Variants in EHBP1 observed in about 807,000 individuals in gnomAD.
EHBP1 encodes EH domain-binding protein 1.
A neutral mutation model predicts 144.0 loss-of-function variants in EHBP1; 55 were observed. The observed-to-expected ratio is 0.38, with a 90% confidence interval of 0.31 to 0.48. EHBP1 has a LOEUF of 0.48. EHBP1 is among the 20% of genes least tolerant of loss of function. The pLI, the probability that EHBP1 is intolerant of heterozygous loss-of-function variation, is 0.98. For missense variants in EHBP1, 1,200 were observed against 1,364.2 expected, an observed-to-expected ratio of 0.88 and a Z score of 1.90; for synonymous variants, 469 against 472.7, an observed-to-expected ratio of 0.99 and a Z score of 0.10.
chr2:62,821,897 G>A, intron 5 of EHBP1, among the ~76,000 whole-genome samples: 1 of 152,036 alleles, frequency 6.6e-6, no homozygotes, highest in East Asian at 1.9e-4. Context: ...GAGATGTTTT[G>A]ATATAGGAAT....
At chr2:62,782,137 C>A (rs996477168) in intron 5 of EHBP1, among the ~76,000 whole-genome samples, 2 of 152,140 alleles carry the variant, frequency 1.3e-5, no homozygotes, top group African/African-American at 4.8e-5. Context: ...GTCCTAGGCA[C>A]TAGATTTAGA....
chr2:62,759,318 A>T (rs934151411), intron 3 of EHBP1, among the ~76,000 whole-genome samples: 6 of 151,504 alleles, frequency 4.0e-5, no homozygotes, highest in African/African-American at 1.4e-4. Flanking sequence ...TCCTGTGCCT[A>T]CTTATTTTAT....
chr2:62,681,763 A>G (rs570650354), intron 1 of EHBP1, among the ~76,000 whole-genome samples: 16 of 152,152 alleles, frequency 1.1e-4, no homozygotes, highest in Admixed American at 1.0e-3. Flanking sequence ...CATAAGGGGG[A>G]ATTAGAAGTC....
chr2:62,776,244 C>T (rs2042045122), intron 5 of EHBP1, among the ~76,000 whole-genome samples: 1 of 152,124 alleles, frequency 6.6e-6, no homozygotes, highest in African/African-American at 2.4e-5. Context: ...TCTGAGCTTT[C>T]TTCTTTGGAC....
intron 7 of EHBP1, among the ~76,000 whole-genome samples, chr2:62,843,178 A>T (rs2048041355): frequency 6.6e-6 from 1 of 152,200 alleles, no homozygotes; most frequent in Non-Finnish European, 1.5e-5. Context: ...ACTATGTTCT[A>T]ATCATTTTTT....
intron 3 of EHBP1, among the ~76,000 whole-genome samples, chr2:62,757,553 T>C (rs772922534): frequency 6.6e-6 from 1 of 151,152 alleles, no homozygotes; most frequent in African/African-American, 2.4e-5. Context: ...CCTGCCTTAG[T>C]CTCCCGAGTA....
chr2:62,886,229 A>C (rs887420472), intron 10 of EHBP1, among the ~76,000 whole-genome samples: 1 of 152,236 alleles, frequency 6.6e-6, no homozygotes, highest in Admixed American at 6.5e-5. Context: ...GAAAAACAGT[A>C]AACACACAAT....
At chr2:63,021,033 A>G (rs1420330494) in intron 19 of EHBP1, among the ~76,000 whole-genome samples, 2 of 134,168 alleles carry the variant, frequency 1.5e-5, no homozygotes, top group Admixed American at 1.7e-4. Context: ...ATGTTGCCCA[A>G]GCTGTTCTCA....
At chr2:62,881,410 G>C (rs1573876496) in intron 10 of EHBP1, among the ~76,000 whole-genome samples, 1 of 71,432 alleles carries the variant, frequency 1.4e-5, no homozygotes, top group Admixed American at 1.7e-4. Flanking sequence ...AGTTGGAAAG[G>C]AAAAACGGAA....
In EHBP1 at chr2:62,971,422, C is replaced by T. The variant is rs116931144; in HGVS notation, c.2461-7766C>T. On this transcript the variant is annotated intron_variant, in intron 14 of 22. Coordinates refer to ENST00000431489, the MANE Select transcript of EHBP1 (RefSeq NM_001142616.3). Reference sequence around the variant, plus strand: ...TAAGTGAATGTAAACAAATTAGTTGCTCATCATCTCTCTGTATTCATTGAC... The same window carrying T: ...TAAGTGAATGTAAACAAATTAGTTGTTCATCATCTCTCTGTATTCATTGAC... Among the ~76,000 whole-genome samples, 58 of 152,268 alleles carry T rather than the reference C, an allele frequency of 3.8e-4. No individual in the cohort carries two copies. The East Asian group carries it at 9.6e-3, about 25-fold the overall frequency.
At chr2:62,732,897 T>C (rs2037751515) in intron 2 of EHBP1, among the ~76,000 whole-genome samples, 1 of 152,214 alleles carries the variant, frequency 6.6e-6, no homozygotes, top group Non-Finnish European at 1.5e-5. Flanking sequence ...AGTTAACTTA[T>C]TTCCTTGACT....
chr2:62,849,275 C>T (rs2048512535), intron 7 of EHBP1, among the ~76,000 whole-genome samples: 1 of 151,940 alleles, frequency 6.6e-6, no homozygotes, highest in African/African-American at 2.4e-5. Context: ...GAGAGGAACC[C>T]CAAACTAGCC....
chr2:62,818,424 A>G (rs367809758), intron 5 of EHBP1, among the ~76,000 whole-genome samples: 1 of 152,242 alleles, frequency 6.6e-6, no homozygotes, highest in East Asian at 1.9e-4. Context: ...GTACAGTAAC[A>G]TGCTGTACAG....
chr2:62,790,424 C>T (rs947864599), intron 5 of EHBP1, among the ~76,000 whole-genome samples: 4 of 151,878 alleles, frequency 2.6e-5, no homozygotes, highest in African/African-American at 9.7e-5. Flanking sequence ...AAATTGTTTC[C>T]CTTTATTTGA....
chr2:62,708,664 C>T (rs1222887006), intron 2 of EHBP1, among the ~76,000 whole-genome samples: 2 of 152,012 alleles, frequency 1.3e-5, no homozygotes, highest in Admixed American at 1.3e-4. Context: ...GTACAGAGGT[C>T]GCAGAGGGAA....
intron 19 of EHBP1, among the ~76,000 whole-genome samples, chr2:63,011,162 AAAG>A (rs1311648989): frequency 1.3e-5 from 2 of 151,490 alleles, no homozygotes; most frequent in Non-Finnish European, 3.0e-5. Flanking sequence ...AAAAAAAAAA[AAAG>A]TTTAACAGGC....
chr2:62,809,361 C>T (rs557583692), intron 5 of EHBP1, among the ~76,000 whole-genome samples: 1 of 150,220 alleles, frequency 6.7e-6, no homozygotes, highest in African/African-American at 2.4e-5. Flanking sequence ...TTCCTCCTCC[C>T]CTCTCCCCCA....
chr2:63,003,889 A>G (rs1262697458), intron 19 of EHBP1, among the ~76,000 whole-genome samples: 2 of 152,128 alleles, frequency 1.3e-5, no homozygotes, highest in Non-Finnish European at 2.9e-5. Flanking sequence ...TAAAATATTT[A>G]GGAGAGATAG....
intron 14 of EHBP1, among the ~76,000 whole-genome samples, chr2:62,967,286 G>A (rs1399930447): frequency 2.0e-5 from 3 of 152,124 alleles, no homozygotes; most frequent in African/African-American, 4.8e-5. Context: ...CCTCTACAGC[G>A]GCTCAGACCA....
Sources: gnomAD v4.1 joint callset for allele counts (sites outside exome capture counted in the v4.1 genomes callset) on GRCh38, gnomAD v4.1.1 for gene constraint, MANE v1.5 for transcripts, NCBI Gene and HGNC (gene_info 2026-07-23, HGNC 2026-07-21) for gene names.